Variants in ATAD2B observed in about 807,000 individuals in gnomAD.
ATAD2B encodes the protein ATPase family AAA domain containing 2B.
A neutral mutation model predicts 167.6 loss-of-function variants in ATAD2B; 40 were observed. The ratio of observed to expected loss-of-function variants is 0.24; its 90% CI spans 0.19 to 0.31. ATAD2B has a LOEUF of 0.31. Among genes scored for constraint, ATAD2B ranks in the 10% least tolerant of loss-of-function variants. The probability of loss-of-function intolerance (pLI) is 1.00; values close to 1 mark genes in which losing one functional copy is unlikely to be tolerated. For missense variants in ATAD2B, 1,242 were observed against 1,757.2 expected (o/e 0.71, Z 5.24); for synonymous variants, 579 against 596.5 (o/e 0.97, Z 0.43).
At chr2:23,743,562 C>CA in the ATAD2B span, among the ~76,000 whole-genome samples, 963 of 83,106 alleles carry the variant, frequency 0.012, 8 homozygotes, top group South Asian at 0.015. Context: ...AAATCCGACT[C>CA]AAAAAAAAAA....
At chr2:23,740,252 A>T in the ATAD2B span, among the ~76,000 whole-genome samples, 2 of 152,360 alleles carry the variant, frequency 1.3e-5, no homozygotes, top group East Asian at 3.9e-4. Flanking sequence ...CAACCAAAAA[A>T]GAGAATTTCA....
the ATAD2B span, among the ~76,000 whole-genome samples, chr2:23,724,144 G>A: frequency 6.6e-6 from 1 of 152,168 alleles, no homozygotes; most frequent in Non-Finnish European, 1.5e-5. Context: ...GGGAGGAATA[G>A]GGAGAGACTT....
chr2:23,775,159 T>C (rs935147255), intron 22 of ATAD2B, among the ~76,000 whole-genome samples: 1 of 151,998 alleles, frequency 6.6e-6, no homozygotes, highest in African/African-American at 2.4e-5. Context: ...AAATCTTTCA[T>C]GAACTTAGCA....
chr2:23,855,073 A>G (rs1186277383), intron 13 of ATAD2B, among the ~76,000 whole-genome samples: 1 of 152,142 alleles, frequency 6.6e-6, no homozygotes, highest in African/African-American at 2.4e-5. Context: ...GCACACCTGT[A>G]ATCCCAGCTA....
At chr2:23,693,263 C>A in the ATAD2B span, 1 of 1,540,352 alleles carries the variant, frequency 6.5e-7, no homozygotes, top group Non-Finnish European at 8.8e-7. Context: ...GCGCTGTCGC[C>A]CCCAGAGAAG....
At chr2:23,737,832 A>T in the ATAD2B span, among the ~76,000 whole-genome samples, 2 of 152,212 alleles carry the variant, frequency 1.3e-5, no homozygotes, top group African/African-American at 4.8e-5. Context: ...AACTAGAATA[A>T]CCAATGCAGA....
intron 13 of ATAD2B, among the ~76,000 whole-genome samples, chr2:23,852,413 T>C (rs1692712788): frequency 6.6e-6 from 1 of 152,004 alleles, no homozygotes; most frequent in Non-Finnish European, 1.5e-5. Flanking sequence ...GCATGCACCA[T>C]CACACCCAGT....
At chr2:23,921,688 G>A (rs138141632) in intron 1 of ATAD2B, among the ~76,000 whole-genome samples, 35 of 152,278 alleles carry the variant, frequency 2.3e-4, no homozygotes, top group African/African-American at 8.4e-4. Flanking sequence ...ATTTTCACTT[G>A]GCTACCAGAG....
At chr2:23,871,348 C>G (rs1373094269) in intron 8 of ATAD2B, among the ~76,000 whole-genome samples, 1 of 152,070 alleles carries the variant, frequency 6.6e-6, no homozygotes, top group Non-Finnish European at 1.5e-5. Context: ...AACTGCTCTC[C>G]ACCTCTGCAA....
chr2:23,835,985 T>C (rs535311605), intron 13 of ATAD2B, among the ~76,000 whole-genome samples: 219 of 151,966 alleles, frequency 1.4e-3, no homozygotes, highest in African/African-American at 5.2e-3. Context: ...ATGGGGTCCT[T>C]GTCAGGGTCG....
rs537478480 is a variant in ATAD2B at position 23,760,784 on chromosome 2, C to T, written c.3394+1425G>A. On this transcript the variant is annotated intron_variant, in intron 24 of 27. Transcript: ENST00000238789. Reference sequence around the variant, plus strand: ...CACACACACACACCACTTCCTTCATCGGGGTGCTCTGTGTGAAAAGTCCAT... The same window carrying T: ...CACACACACACACCACTTCCTTCATTGGGGTGCTCTGTGTGAAAAGTCCAT... 1.7e-4 allele frequency among the ~76,000 whole-genome samples: 22 copies of T among 131,126 alleles called. No homozygotes were observed. In the South Asian group the frequency reaches 5.4e-3, roughly 32 times the overall value. The allele number at this position is 131,126 out of a possible 152,430, so 86.0% of individuals were successfully genotyped here.
chr2:23,691,610 C>A, the ATAD2B span: 1 of 1,404,096 alleles, frequency 7.1e-7, no homozygotes, highest in Non-Finnish European at 9.8e-7. Flanking sequence ...AGATCTAGCC[C>A]TGTGAGGAAG....
At chr2:23,908,378 G>A (rs369462526) in intron 1 of ATAD2B, among the ~76,000 whole-genome samples, 31 of 152,226 alleles carry the variant, frequency 2.0e-4, no homozygotes, top group East Asian at 1.3e-3. Flanking sequence ...CAAAAAACAC[G>A]TGAAAAAATG....
chr2:23,850,452 A>C (rs958316376), intron 13 of ATAD2B, among the ~76,000 whole-genome samples: 1 of 152,212 alleles, frequency 6.6e-6, no homozygotes, highest in Admixed American at 6.5e-5. Context: ...ATCAATTTCT[A>C]AGCTTCCATC....
rs189427873 is a variant in ATAD2B at position 23,801,715 on chromosome 2, A to T, written c.2455-3392T>A. 1.4e-4 allele frequency among the ~76,000 whole-genome samples: 22 copies of T among 152,180 alleles called. No individual in the cohort carries two copies. The East Asian group carries it at 2.5e-3, about 17-fold the overall frequency. ...AGGACCTTAGATAACTAATTTTTTTAAAACTTTCTTTATTAAAAAAAAATC... is the reference window on the plus strand; with the variant it reads ...AGGACCTTAGATAACTAATTTTTTTTAAACTTTCTTTATTAAAAAAAAATC... On this transcript the variant is annotated intron_variant, in intron 18 of 27. Transcript: ENST00000238789.
intron 18 of ATAD2B, chr2:23,799,828 A>G (rs1433276418): frequency 2.6e-5 from 4 of 152,128 alleles, no homozygotes; most frequent in Non-Finnish European, 5.9e-5. Flanking sequence ...CACTCACATC[A>G]AAAGTAATAT....
At chr2:23,919,841 G>A (rs994327594) in intron 1 of ATAD2B, among the ~76,000 whole-genome samples, 2 of 114,130 alleles carry the variant, frequency 1.8e-5, no homozygotes, top group South Asian at 2.9e-4. Flanking sequence ...GGGAAACTCT[G>A]TTTCAAAAAA....
chr2:23,814,349 G>C (rs1044157717), intron 17 of ATAD2B, among the ~76,000 whole-genome samples: 3 of 152,162 alleles, frequency 2.0e-5, no homozygotes, highest in African/African-American at 7.2e-5. Flanking sequence ...TTATCATAGA[G>C]CTCATAACTG....
the ATAD2B span, among the ~76,000 whole-genome samples, chr2:23,714,074 C>G: frequency 6.6e-6 from 1 of 152,080 alleles, no homozygotes; most frequent in Admixed American, 6.6e-5. Context: ...CATTACCCCC[C>G]GGTCCAAGTT....
Sources: gnomAD v4.1 joint callset for allele counts (sites outside exome capture counted in the v4.1 genomes callset) on GRCh38, gnomAD v4.1.1 for gene constraint, MANE v1.5 for transcripts, NCBI Gene and HGNC (gene_info 2026-07-23, HGNC 2026-07-21) for gene names.